Variants in SERPING1 observed in about 807,000 individuals in gnomAD.
SERPING1 encodes the protein serpin family G member 1, also known as plasma protease C1 inhibitor.
A neutral mutation model predicts 34.1 loss-of-function variants in SERPING1; 5 were observed. That is an observed-to-expected ratio of 0.15 (90% CI 0.08 to 0.31). The LOEUF (loss-of-function observed/expected upper bound fraction) is 0.31, where lower values mean the gene tolerates loss of function less well. Ranked by LOEUF, SERPING1 falls within the 10% of genes least tolerant of loss-of-function variation. SERPING1 has a pLI of 1.00. For missense variants in SERPING1, 505 were observed against 609.5 expected, an observed-to-expected ratio of 0.83 and a Z score of 1.81; for synonymous variants, 225 against 242.4, an observed-to-expected ratio of 0.93 and a Z score of 0.67.
chr11:57,613,819 G>A (rs947603027), intron 7 of SERPING1, among the ~76,000 whole-genome samples: 3 of 152,072 alleles, frequency 2.0e-5, no homozygotes, highest in Non-Finnish European at 4.4e-5. Flanking sequence ...CCAGGAGCCA[G>A]CAGGAGTAGC....
intron 6 of SERPING1, among the ~76,000 whole-genome samples, chr11:57,607,406 ATTAT>A (rs1432922049): frequency 1.3e-5 from 2 of 152,116 alleles, no homozygotes; most frequent in Non-Finnish European, 2.9e-5. Context: ...CTCCTGTTTT[ATTAT>A]ATTCATTACA....
At chr11:57,598,846 C>T (rs746417283) in intron 2 of SERPING1, among the ~76,000 whole-genome samples, 1 of 151,768 alleles carries the variant, frequency 6.6e-6, no homozygotes, top group Non-Finnish European at 1.5e-5. Flanking sequence ...GTGAGAGGTC[C>T]CAGTGGTCTG....
intron 4 of SERPING1, among the ~76,000 whole-genome samples, chr11:57,603,703 G>A (rs2135313771): frequency 6.6e-6 from 1 of 151,484 alleles, no homozygotes; most frequent in South Asian, 2.1e-4. Flanking sequence ...GCCGGGCATG[G>A]TGGCAGGCGC....
chr11:57,598,142 C>T, intron 1 of SERPING1, 107 bp from the exon 2 acceptor site: 1 of 807,754 alleles, frequency 1.2e-6, no homozygotes, highest in Non-Finnish European at 2.0e-6. Context: ...AGGGAATTCG[C>T]TAAGAGGGAC....
chr11:57,606,227 T>A lies in SERPING1; in HGVS notation c.889+14T>A. On this transcript the variant is annotated intron_variant, in intron 5 of 7. Transcript: ENST00000278407. ...TCTACCTGAGTGGTAAGGGTGCCCT[T>A]AGCCAGTTAGTCTTCCCATTCTGGG... 1 of 1,614,056 alleles carries A rather than the reference T, an allele frequency of 6.2e-7. No homozygotes were observed. The highest frequency in any genetic ancestry group is 1.3e-5 in the African/African-American group (1 of 75,068).
At chr11:57,612,356 G>A (rs1326853729) in intron 7 of SERPING1, among the ~76,000 whole-genome samples, 1 of 151,712 alleles carries the variant, frequency 6.6e-6, no homozygotes, top group Non-Finnish European at 1.5e-5. Flanking sequence ...TGGAAGTGCA[G>A]ATCTGGAGGC....
intron 1 of SERPING1, 35 bp from the exon 2 acceptor site, chr11:57,598,214 G>A: frequency 6.6e-7 from 1 of 1,518,144 alleles, no homozygotes; most frequent in Non-Finnish European, 8.9e-7. Context: ...GGCTCCCAGG[G>A]TGGGAGCTGG....
At chr11:57,606,645 A>G (rs2135318519) in intron 6 of SERPING1, 98 bp downstream of exon 6, 8 of 1,202,488 alleles carry the variant, frequency 6.7e-6, no homozygotes, top group Non-Finnish European at 8.6e-6. Context: ...CATGCTTACA[A>G]ATTCATCACT....
chr11:57,608,598 T>G (rs1305165342), intron 6 of SERPING1, among the ~76,000 whole-genome samples: 1 of 152,150 alleles, frequency 6.6e-6, no homozygotes. Context: ...CTGTAACCTC[T>G]GCCTCCCAGG....
chr11:57,610,722 G>T (rs1301376245), intron 6 of SERPING1, among the ~76,000 whole-genome samples: 2 of 152,100 alleles, frequency 1.3e-5, no homozygotes, highest in African/African-American at 4.8e-5. Context: ...GTAGAATTTA[G>T]CATCTTCCTT....
chr11:57,610,294 G>C (rs1236752648), intron 6 of SERPING1, among the ~76,000 whole-genome samples: 1 of 152,156 alleles, frequency 6.6e-6, no homozygotes, highest in African/African-American at 2.4e-5. Context: ...CCCAAGGAAG[G>C]GGGTGAGATT....
rs2135308698 is a variant in SERPING1, at chr11:57,600,258, A to T, written c.431A>T (p.Asp144Val). 6.2e-7 allele frequency: 1 copy of T among 1,614,094 alleles called. No homozygotes were observed. The highest frequency in any genetic ancestry group is 8.5e-7 in the Non-Finnish European group (1 of 1,180,030). ...ESHSTEAVLGDALVDFSLKLY... is the reference protein window; with the variant it reads ...ESHSTEAVLGVALVDFSLKLY... ...CATTCAACAGAGGCCGTGTTGGGGG[A>T]TGCTTTGGTAGATTTCTCCCTGAAG... The change falls in exon 3 of 8, where the codon GAT becomes GTT. Residue 144 changes from aspartate (D) to valine (V), a missense_variant. Asp to Val is a radical substitution (Grantham distance 152, BLOSUM62 -3). Transcript: ENST00000278407.
At chr11:57,608,426 T>C (rs1446565095) in intron 6 of SERPING1, among the ~76,000 whole-genome samples, 4 of 152,224 alleles carry the variant, frequency 2.6e-5, no homozygotes, top group Non-Finnish European at 5.9e-5. Flanking sequence ...TCTGGACATA[T>C]AATATCAATA....
chr11:57,610,915 A>G (rs1185256387), intron 6 of SERPING1, among the ~76,000 whole-genome samples: 1 of 151,638 alleles, frequency 6.6e-6, no homozygotes, highest in Non-Finnish European at 1.5e-5. Flanking sequence ...TTGTCTGGTC[A>G]CCAGTTGAAA....
chr11:57,601,293 C>T (rs1334149568), intron 3 of SERPING1, among the ~76,000 whole-genome samples: 1 of 150,808 alleles, frequency 6.6e-6, no homozygotes, highest in Admixed American at 6.6e-5. Flanking sequence ...CCCAGCTACT[C>T]AGGAGGCTGA....
chr11:57,598,242 T>A lies in SERPING1; in HGVS notation c.-22-7T>A, dbSNP rs1945309769. The A allele has an allele frequency of 6.5e-7, 1 of 1,542,140 alleles. No homozygotes were observed. The highest frequency in any genetic ancestry group is 1.4e-5 in the African/African-American group (1 of 72,776). On this transcript the variant is annotated splice_polypyrimidine_tract_variant and splice_region_variant and intron_variant, in intron 1 of 7. Coordinates refer to ENST00000278407, the MANE Select transcript of SERPING1 (RefSeq NM_000062.3). Reference sequence around the variant, plus strand: ...GGAGCTGGCTCCGAGGCTGGCTGGCTCCGCAGGTCCGCTGACGTCGCCGCC... The same window carrying A: ...GGAGCTGGCTCCGAGGCTGGCTGGCACCGCAGGTCCGCTGACGTCGCCGCC...
intron 1 of SERPING1, 123 bp from the exon 2 acceptor site, chr11:57,598,123 GGGA>G (rs1945307632): frequency 6.0e-6 from 4 of 663,806 alleles, no homozygotes; most frequent in Non-Finnish European, 1.0e-5. Context: ...GGCCCCAGGA[GGGA>G]GGAGGAGGGA....
chr11:57,606,196 A>G lies in SERPING1; in HGVS notation c.872A>G (p.Asn291Ser), dbSNP rs754401203. Residue 291 changes from asparagine to serine, a missense_variant, in exon 5 of 8, where the codon AAT becomes AGT. By Grantham distance (46) the Asn-to-Ser change is conservative. Transcript: ENST00000278407. ...LPSDTRLVLL[N>S]AIYLSAKWKT... ...TCCGATACCCGCCTTGTCCTCCTCA[A>G]TGCTATCTACCTGAGTGGTAAGGGT... The G allele has an allele frequency of 3.7e-6, 6 of 1,614,078 alleles. No homozygotes were observed. Among genetic ancestry groups the G allele is most frequent in the South Asian group, 1.1e-5 (1 of 91,080 alleles).
At chr11:57,610,933 T>C (rs1945470308) in intron 6 of SERPING1, among the ~76,000 whole-genome samples, 1 of 152,110 alleles carries the variant, frequency 6.6e-6, no homozygotes. Context: ...AAAGTCCTTC[T>C]TCTTTTTTTT....
Sources: allele counts gnomAD v4.1 joint callset (sites outside exome capture counted in the v4.1 genomes callset), GRCh38; gene constraint gnomAD v4.1.1; transcripts MANE v1.5; gene names NCBI Gene and HGNC (gene_info 2026-07-23, HGNC 2026-07-21).